The following GAREM1 variants were observed in gnomAD, a reference collection of about 807,000 sequenced individuals.
GAREM1 encodes GRB2-associated and regulator of MAPK protein 1.
In GAREM1, 26 loss-of-function variants were observed where a neutral mutation model predicts 71.3. The ratio of observed to expected loss-of-function variants is 0.36; its 90% CI spans 0.27 to 0.51. The LOEUF (loss-of-function observed/expected upper bound fraction) is 0.51. Ranked by LOEUF, GAREM1 falls within the 20% of genes least tolerant of loss-of-function variation. The probability of loss-of-function intolerance (pLI) is 0.95; values close to 1 mark genes in which losing one functional copy is unlikely to be tolerated. For missense variants in GAREM1, 1,026 were observed against 1,103.1 expected, an observed-to-expected ratio of 0.93 and a Z score of 0.99; for synonymous variants, 440 against 433.2, an observed-to-expected ratio of 1.02 and a Z score of -0.20.
In GAREM1 at chr18:32,268,075, TGATAGGTCAGCAGGTG is replaced by T. The variant is rs1567940248; in HGVS notation, c.2411_2426del (p.Pro804GlnfsTer5). 2 of 1,614,112 alleles carry T rather than the reference TGATAGGTCAGCAGGTG, an allele frequency of 1.2e-6. No individual in the cohort carries two copies. Among genetic ancestry groups the T allele is most frequent in the Non-Finnish European group, 1.7e-6 (2 of 1,179,998 alleles). On this transcript the variant is annotated frameshift_variant, in exon 6 of 6. Coordinates refer to ENST00000269209, the MANE Select transcript of GAREM1 (RefSeq NM_001242409.2). LOFTEE classifies it high-confidence loss of function. ...TGGACACTTCCTCTATAGAGAGTCC[TGATAGGTCAGCAGGTG>T]GCTGCCATGGGGAACCGTCGCCACA...
intron 4 of GAREM1, among the ~76,000 whole-genome samples, chr18:32,285,526 GCT>G (rs1429283528): frequency 3.3e-5 from 5 of 152,156 alleles, no homozygotes; most frequent in Admixed American, 1.3e-4. Flanking sequence ...TGCTCATGCT[GCT>G]CTGTCCGGAA....
intron 2 of GAREM1, among the ~76,000 whole-genome samples, chr18:32,381,571 A>C (rs989683941): frequency 6.6e-6 from 1 of 151,980 alleles, no homozygotes; most frequent in Non-Finnish European, 1.5e-5. Context: ...TCAGGTGTTC[A>C]TTATCTTTTA....
chr18:32,269,132 TAGA>T (rs2041419712), intron 5 of GAREM1, among the ~76,000 whole-genome samples: 2 of 152,016 alleles, frequency 1.3e-5, no homozygotes, highest in South Asian at 2.1e-4. Context: ...TGAGCGAGGG[TAGA>T]AGGAGAGAAT....
intron 1 of GAREM1, among the ~76,000 whole-genome samples, chr18:32,430,609 G>C (rs566941793): frequency 6.6e-6 from 1 of 152,218 alleles, no homozygotes; most frequent in Non-Finnish European, 1.5e-5. Flanking sequence ...GCATGGGGCA[G>C]CATTCTGAAG....
At chr18:32,432,586 T>C (rs993905666) in intron 1 of GAREM1, among the ~76,000 whole-genome samples, 3 of 151,968 alleles carry the variant, frequency 2.0e-5, no homozygotes, top group African/African-American at 7.2e-5. Flanking sequence ...GAGATATAAA[T>C]TATCAATATT....
chr18:32,348,594 C>T (rs914173359), intron 2 of GAREM1, among the ~76,000 whole-genome samples: 5 of 152,000 alleles, frequency 3.3e-5, no homozygotes, highest in Admixed American at 1.3e-4. Context: ...CGTGGTGGTG[C>T]GTGCTTGTAA....
chr18:32,304,520 A>AT (rs964733302), intron 3 of GAREM1, among the ~76,000 whole-genome samples: 20 of 152,178 alleles, frequency 1.3e-4, no homozygotes, highest in African/African-American at 4.8e-4. Flanking sequence ...CAACTACTTA[A>AT]TTGTGCTGTT....
At chr18:32,281,834 C>T (rs1460791049) in intron 4 of GAREM1, among the ~76,000 whole-genome samples, 14 of 152,154 alleles carry the variant, frequency 9.2e-5, no homozygotes, top group African/African-American at 3.4e-4. Context: ...CACGTATATG[C>T]CCAGATGGCC....
intron 2 of GAREM1, among the ~76,000 whole-genome samples, chr18:32,377,622 G>GGC (rs1490341576): frequency 6.6e-6 from 1 of 152,194 alleles, no homozygotes; most frequent in Non-Finnish European, 1.5e-5. Context: ...GGAGTGCAGT[G>GGC]GCGCGATCTC....
chr18:32,279,319 A>G (rs1262827539), intron 4 of GAREM1, among the ~76,000 whole-genome samples: 1 of 152,174 alleles, frequency 6.6e-6, no homozygotes, highest in Non-Finnish European at 1.5e-5. Context: ...CTGGCAAGTG[A>G]GCCAGTGAAG....
At chr18:32,401,218 C>T (rs1203068280) in intron 1 of GAREM1, among the ~76,000 whole-genome samples, 2 of 152,004 alleles carry the variant, frequency 1.3e-5, no homozygotes, top group African/African-American at 4.8e-5. Flanking sequence ...GGAGATACAC[C>T]TAATGTAAAT....
rs761542659 is a variant in GAREM1, at chr18:32,268,514, C to G, written c.1988G>C (p.Arg663Thr). 1 of 1,614,170 alleles carries G rather than the reference C, an allele frequency of 6.2e-7. No homozygotes were observed. The highest frequency in any genetic ancestry group is 8.5e-7 in the Non-Finnish European group (1 of 1,180,026). The change falls in exon 6 of 6, where the codon AGA (arginine) becomes ACA (threonine). Residue 663 changes from arginine to threonine, a missense_variant. Physicochemically the swap from Arg to Thr is moderately conservative, Grantham distance 71. Coordinates refer to ENST00000269209, the MANE Select transcript of GAREM1 (RefSeq NM_001242409.2). ...AAAATCAAAAGGTGCTGGGCAGTTT[C>G]TCTTTGGTGTGCCTGGCGTCTTTTG... ...PRQKTPGTPK[R>T]NCPAPFDFDG...
chr18:32,383,280 G>A (rs762262122), intron 2 of GAREM1, among the ~76,000 whole-genome samples: 19 of 152,132 alleles, frequency 1.2e-4, no homozygotes, highest in Non-Finnish European at 2.2e-4. Context: ...TAGTTTTGTT[G>A]TTTTCCTGTT....
chr18:32,364,028 G>GTTTTTTTTTTGTTTTTTT (rs2047903469), intron 2 of GAREM1, among the ~76,000 whole-genome samples: 1 of 21,674 alleles, frequency 4.6e-5, no homozygotes, highest in African/African-American at 1.8e-4. Context: ...ATATATATAT[G>GTTTTTTTTTTGTTTTTTT]TTTTTTTTTT....
chr18:32,463,987 TAAAAAA>T (rs558638151), intron 1 of GAREM1, among the ~76,000 whole-genome samples: 1 of 123,320 alleles, frequency 8.1e-6, no homozygotes, highest in Admixed American at 8.3e-5. Context: ...AGTACGTGGT[TAAAAAA>T]AAAAAAAAAA....
At chr18:32,383,514 T>C (rs1316902502) in intron 2 of GAREM1, among the ~76,000 whole-genome samples, 2 of 152,192 alleles carry the variant, frequency 1.3e-5, no homozygotes, top group Non-Finnish European at 2.9e-5. Context: ...AAAAGAACCT[T>C]TTAAAAGGTC....
chr18:32,305,396 T>G (rs2047243955), intron 3 of GAREM1, among the ~76,000 whole-genome samples: 1 of 152,026 alleles, frequency 6.6e-6, no homozygotes, highest in Non-Finnish European at 1.5e-5. Context: ...ATTTCAAGAG[T>G]TTTACACTCT....
chr18:32,456,979 CTG>C (rs2048896240), intron 1 of GAREM1, among the ~76,000 whole-genome samples: 1 of 151,880 alleles, frequency 6.6e-6, no homozygotes, highest in Non-Finnish European at 1.5e-5. Context: ...CTGCATGTCT[CTG>C]TATGTATATG....
intron 2 of GAREM1, among the ~76,000 whole-genome samples, chr18:32,372,834 C>T (rs182874809): frequency 3.0e-4 from 45 of 152,296 alleles, no homozygotes; most frequent in Admixed American, 1.3e-3. Context: ...CAAATACTTC[C>T]GGAAAACAGA....
Sources: allele counts gnomAD v4.1 joint callset (sites outside exome capture counted in the v4.1 genomes callset), GRCh38; gene constraint gnomAD v4.1.1; transcripts MANE v1.5; gene names NCBI Gene and HGNC (gene_info 2026-07-23, HGNC 2026-07-21).